CSMD1: variants seen among roughly 807,000 people sequenced by gnomAD.
CSMD1 encodes the protein CUB and Sushi multiple domains 1.
In CSMD1, 213 loss-of-function variants were observed where a neutral mutation model predicts 417.5. That is an observed-to-expected ratio of 0.51 (90% confidence interval 0.46 to 0.57). The LOEUF is 0.57. CSMD1 is among the 20% of genes least tolerant of loss of function. The probability of loss-of-function intolerance (pLI) is 0.00; values close to 1 mark genes in which losing one functional copy is unlikely to be tolerated. For synonymous variants in CSMD1, 2,862 were observed against 1,736.8 expected (o/e 1.65, Z -16.11); for missense variants, 6,923 against 4,529.7 (o/e 1.53, Z -15.17).
chr8:3,886,503 C>A (rs1033306046), intron 5 of CSMD1, among the ~76,000 whole-genome samples: 1 of 152,146 alleles, frequency 6.6e-6, no homozygotes, highest in Non-Finnish European at 1.5e-5. Flanking sequence ...GTCACACTAC[C>A]CAGCAGTGCT....
chr8:3,605,135 C>T (rs1378856851), intron 8 of CSMD1, among the ~76,000 whole-genome samples: 1 of 152,182 alleles, frequency 6.6e-6, no homozygotes, highest in Non-Finnish European at 1.5e-5. Flanking sequence ...GCTGGGACTA[C>T]AGGCGCATGC....
intron 50 of CSMD1, chr8:3,043,830 C>T (rs977030487): frequency 6.6e-6 from 1 of 152,364 alleles, no homozygotes; most frequent in Non-Finnish European, 1.5e-5. Context: ...TATGGACAGG[C>T]ACTACCAAAA....
intron 2 of CSMD1, among the ~76,000 whole-genome samples, chr8:4,635,513 A>G (rs1187427873): frequency 6.6e-6 from 1 of 152,154 alleles, no homozygotes; most frequent in African/African-American, 2.4e-5. Context: ...AAAAATATTG[A>G]GAGAAAGAAA....
At chr8:4,949,841 T>A (rs6986049) in intron 1 of CSMD1, among the ~76,000 whole-genome samples, 1 of 151,894 alleles carries the variant, frequency 6.6e-6, no homozygotes, top group African/African-American at 2.4e-5. Context: ...GATATATATA[T>A]AGAGAGAATA....
Position 4,089,331 on chromosome 8 carries a change from C to G in CSMD1, c.416-57232G>C, listed in dbSNP as rs181759014. On this transcript the variant is annotated intron_variant, in intron 3 of 69. Transcript: ENST00000635120. ...AAGAAGAAAGAAGGAAAGAAGAGAG[C>G]TCGGTATGGGGGAAAGCACAGGCTT... Among the ~76,000 whole-genome samples the G allele has an allele frequency of 4.6e-5, 7 of 152,198 alleles. No individual in the cohort carries two copies. The East Asian group carries it at 1.2e-3, about 25-fold the overall frequency.
intron 1 of CSMD1, among the ~76,000 whole-genome samples, chr8:4,766,320 T>A (rs1231139941): frequency 1.3e-5 from 2 of 152,176 alleles, no homozygotes; most frequent in Non-Finnish European, 2.9e-5. Flanking sequence ...CAACTATGTA[T>A]GCATGATGTG....
chr8:4,054,562 G>A (rs75237214), intron 3 of CSMD1, among the ~76,000 whole-genome samples: 2,287 of 152,132 alleles, frequency 0.015, 54 homozygotes, highest in East Asian at 0.088. Context: ...CTCTTGCGGA[G>A]TTCAACCCTC....
intron 51 of CSMD1, among the ~76,000 whole-genome samples, chr8:3,026,609 C>T (rs766330755): frequency 6.6e-6 from 1 of 152,170 alleles, no homozygotes; most frequent in Non-Finnish European, 1.5e-5. Flanking sequence ...CTGGACCTCA[C>T]TGGACCTCAC....
rs1312906000 is a variant in CSMD1, at chr8:3,790,771, T to C, written c.819-36729A>G. Among the ~76,000 whole-genome samples the C allele has an allele frequency of 2.0e-5, 3 of 152,194 alleles. No homozygotes were observed. In the East Asian group the frequency reaches 5.8e-4, roughly 29 times the overall value. On this transcript the variant is annotated intron_variant, in intron 5 of 69. Coordinates refer to ENST00000635120, the MANE Select transcript of CSMD1 (RefSeq NM_033225.6). ...ACGACCTTCAGAAATAACTGCTGAGTATAGTGAGTTTGGGGTTTTTGCAAC... is the reference window on the plus strand; with the variant it reads ...ACGACCTTCAGAAATAACTGCTGAGCATAGTGAGTTTGGGGTTTTTGCAAC...
chr8:4,150,465 C>A (rs893786735), intron 3 of CSMD1, among the ~76,000 whole-genome samples: 1 of 152,192 alleles, frequency 6.6e-6, no homozygotes, highest in Non-Finnish European at 1.5e-5. Flanking sequence ...GGGCTTAGAA[C>A]TTCAGCTAAC....
At chr8:3,309,054 A>G (rs1346964695) in intron 23 of CSMD1, among the ~76,000 whole-genome samples, 2 of 151,892 alleles carry the variant, frequency 1.3e-5, no homozygotes, top group Admixed American at 6.6e-5. Context: ...GAGTTCCACA[A>G]CTTCATCTGT....
At position 3,870,989 on chromosome 8, in the gene CSMD1, TCA is replaced by T. The variant is rs1805446739; in HGVS notation, c.819-116949_819-116948del. On this transcript the variant is annotated intron_variant, in intron 5 of 69. Coordinates refer to ENST00000635120, the MANE Select transcript of CSMD1 (RefSeq NM_033225.6). Reference sequence around the variant, plus strand: ...TTCTTAAATATAAGTTAATTTTTTCTCATTCAATGTGTTATAATTTTTTTAAA... The same window carrying T: ...TTCTTAAATATAAGTTAATTTTTTCTTTCAATGTGTTATAATTTTTTTAAA... 4.6e-5 allele frequency among the ~76,000 whole-genome samples: 6 copies of T among 129,168 alleles called. No homozygotes were observed. In the Admixed American group the frequency reaches 4.8e-4, roughly 10 times the overall value. The allele number at this position is 129,168 out of a possible 152,430, so 84.7% of individuals were successfully genotyped here. A position where few individuals can be genotyped will look rare whatever the true frequency, so the allele number is the denominator to read the frequency against.
chr8:4,421,312 T>C (rs1459706991), intron 2 of CSMD1, among the ~76,000 whole-genome samples: 1 of 152,154 alleles, frequency 6.6e-6, no homozygotes, highest in Non-Finnish European at 1.5e-5. Context: ...AATACAGAAC[T>C]CATCAACCCT....
rs1312228252 is a variant in CSMD1 at position 3,575,007 on chromosome 8, G to C, written c.1282C>G (p.Pro428Ala). ...TGTGCATTATCTTCATACTGAACCG[G>C]ATAATTAGGGGAGGTAATGACGCCG... is the stretch of plus-strand genomic sequence containing the variant. Reference protein sequence around the residue: ...PSGVITSPNYPVQYEDNAHCV... With the variant: ...PSGVITSPNYAVQYEDNAHCV... The change falls in exon 10 of 70, where the codon CCG becomes GCG. Residue 428 changes from proline (P) to alanine (A), a missense_variant. Pro to Ala is a conservative substitution (Grantham distance 27). Transcript: ENST00000635120. 6.2e-7 allele frequency: 1 copy of C among 1,612,740 alleles called. No individual in the cohort carries two copies. Among genetic ancestry groups the C allele is most frequent in the African/African-American group, 1.3e-5 (1 of 74,882 alleles).
intron 5 of CSMD1, among the ~76,000 whole-genome samples, chr8:3,991,388 T>C (rs1357042040): frequency 6.6e-6 from 1 of 152,214 alleles, no homozygotes; most frequent in Non-Finnish European, 1.5e-5. Context: ...CACGGTTGCA[T>C]ATATAACCCT....
At position 3,035,426 on chromosome 8, in the gene CSMD1, C is replaced by G. The variant is rs1362235385; in HGVS notation, c.7661-5913G>C. On this transcript the variant is annotated intron_variant, in intron 50 of 69. Coordinates refer to ENST00000635120, the MANE Select transcript of CSMD1 (RefSeq NM_033225.6). ...CAAGGAAGCCCAGGCTCACCCCAACCAAGCCAGAATTTCCATCTGTGGGTC... is the reference window on the plus strand; with the variant it reads ...CAAGGAAGCCCAGGCTCACCCCAACGAAGCCAGAATTTCCATCTGTGGGTC... Among the ~76,000 whole-genome samples, 9 of 152,212 alleles carry G rather than the reference C, an allele frequency of 5.9e-5. No homozygotes were observed. The East Asian group carries it at 1.5e-3, about 26-fold the overall frequency.
chr8:4,641,574 G>C (rs776783397), intron 1 of CSMD1, among the ~76,000 whole-genome samples: 1 of 152,254 alleles, frequency 6.6e-6, no homozygotes, highest in African/African-American at 2.4e-5. Flanking sequence ...TGAAAATGAA[G>C]TAAGTTGTCC....
At chr8:4,442,689 G>C (rs148673966) in intron 2 of CSMD1, among the ~76,000 whole-genome samples, 24 of 152,228 alleles carry the variant, frequency 1.6e-4, no homozygotes, top group African/African-American at 5.5e-4. Flanking sequence ...CAATGTCTCC[G>C]AAAAGGTAGT....
chr8:3,457,698 T>C (rs1043362956), intron 12 of CSMD1, among the ~76,000 whole-genome samples: 1 of 152,134 alleles, frequency 6.6e-6, no homozygotes, highest in Admixed American at 6.5e-5. Flanking sequence ...CTTGTTGAGA[T>C]CATAAAAACT....
Sources: gnomAD v4.1 joint callset for allele counts (sites outside exome capture counted in the v4.1 genomes callset) on GRCh38, gnomAD v4.1.1 for gene constraint, MANE v1.5 for transcripts, NCBI Gene and HGNC (gene_info 2026-07-23, HGNC 2026-07-21) for gene names.